The following KHDRBS2 variants were observed in gnomAD, a reference collection of about 807,000 sequenced individuals.
The protein encoded by KHDRBS2 is KH RNA binding domain containing, signal transduction associated 2, also known as KH domain-containing, RNA-binding, signal transduction-associated protein 2.
In KHDRBS2, 26 loss-of-function variants were observed where a neutral mutation model predicts 44.3. The observed-to-expected ratio is 0.59, with a 90% CI of 0.43 to 0.81. KHDRBS2 has a LOEUF of 0.81. Among genes scored for constraint, KHDRBS2 ranks in the 40% least tolerant of loss-of-function variants. The pLI, the probability that KHDRBS2 is intolerant of heterozygous loss-of-function variation, is 0.00. For synonymous variants in KHDRBS2, 194 were observed against 151.1 expected, an observed-to-expected ratio of 1.28 and a Z score of -2.08; for missense variants, 476 against 433.1, an observed-to-expected ratio of 1.10 and a Z score of -0.88.
At chr6:61,783,763 C>T (rs956419994) in intron 6 of KHDRBS2, among the ~76,000 whole-genome samples, 6 of 151,832 alleles carry the variant, frequency 4.0e-5, no homozygotes, top group Admixed American at 3.3e-4. Flanking sequence ...TATAAAATTA[C>T]AATATGTATA....
intron 6 of KHDRBS2, among the ~76,000 whole-genome samples, chr6:61,870,242 G>C (rs545620738): frequency 6.6e-6 from 1 of 152,236 alleles, no homozygotes; most frequent in East Asian, 1.9e-4. Context: ...GGCTTGAGTA[G>C]GTGGTTTTAC....
intron 2 of KHDRBS2, among the ~76,000 whole-genome samples, chr6:62,085,390 G>T (rs752935831): frequency 6.6e-6 from 1 of 151,904 alleles, no homozygotes; most frequent in Non-Finnish European, 1.5e-5. Flanking sequence ...TATGGAGGGT[G>T]GTGAAAGCAG....
chr6:61,989,830 CCTGAGGGCTTG>C (rs1289511425), intron 3 of KHDRBS2, among the ~76,000 whole-genome samples: 1 of 152,104 alleles, frequency 6.6e-6, no homozygotes, highest in Non-Finnish European at 1.5e-5. Context: ...TGTCTTTTTG[CCTGAGGGCTTG>C]CTCTGGCCTC....
chr6:62,215,886 AAT>A (rs1829896921), intron 1 of KHDRBS2, among the ~76,000 whole-genome samples: 1 of 151,804 alleles, frequency 6.6e-6, no homozygotes, highest in Non-Finnish European at 1.5e-5. Context: ...AATCAATGTA[AAT>A]ATTAATACAG....
chr6:62,253,262 TTTAA>T (rs1187065643), intron 1 of KHDRBS2, among the ~76,000 whole-genome samples: 2 of 152,058 alleles, frequency 1.3e-5, no homozygotes, highest in African/African-American at 4.8e-5. Context: ...TGTCTTACAT[TTTAA>T]TCAAGGGAGG....
intron 6 of KHDRBS2, among the ~76,000 whole-genome samples, chr6:61,848,083 C>A (rs1252447767): frequency 6.6e-6 from 1 of 151,896 alleles, no homozygotes; most frequent in East Asian, 1.9e-4. Flanking sequence ...ACCATACTAG[C>A]TCCTGCAGTT....
At chr6:61,834,821 T>C (rs1792395642) in intron 6 of KHDRBS2, among the ~76,000 whole-genome samples, 1 of 152,082 alleles carries the variant, frequency 6.6e-6, no homozygotes, top group Admixed American at 6.6e-5. Flanking sequence ...AGTCTATGTC[T>C]ACTTACAATT....
At chr6:62,173,242 A>G (rs1227100534) in intron 2 of KHDRBS2, among the ~76,000 whole-genome samples, 1 of 151,966 alleles carries the variant, frequency 6.6e-6, no homozygotes, top group African/African-American at 2.4e-5. Flanking sequence ...CAAATAACAA[A>G]GGGGACGTTA....
At chr6:61,643,503 G>A in the KHDRBS2 span, among the ~76,000 whole-genome samples, 4 of 152,080 alleles carry the variant, frequency 2.6e-5, no homozygotes, top group African/African-American at 7.2e-5. Context: ...ATCCAAATAG[G>A]AGAGGAAGTC....
the KHDRBS2 span, among the ~76,000 whole-genome samples, chr6:61,560,511 A>C: frequency 2.1e-5 from 3 of 142,964 alleles, no homozygotes; most frequent in African/African-American, 8.0e-5. Context: ...TTTAACTTTC[A>C]TTTCCTCTGA....
At chr6:62,258,527 C>T (rs980278861) in intron 1 of KHDRBS2, among the ~76,000 whole-genome samples, 1 of 152,014 alleles carries the variant, frequency 6.6e-6, no homozygotes, top group Non-Finnish European at 1.5e-5. Context: ...GACAATCATA[C>T]ATTGTCCACA....
the KHDRBS2 span, among the ~76,000 whole-genome samples, chr6:61,543,539 G>T: frequency 6.6e-6 from 1 of 151,706 alleles, no homozygotes; most frequent in Non-Finnish European, 1.5e-5. Context: ...CAGTTTGAAG[G>T]CTCCTTAAAA....
intron 7 of KHDRBS2, among the ~76,000 whole-genome samples, chr6:61,730,150 C>G (rs953527094): frequency 3.9e-5 from 6 of 152,048 alleles, no homozygotes; most frequent in African/African-American, 1.4e-4. Context: ...TTACTGAGAA[C>G]CTCTAGTGTT....
chr6:61,598,087 C>G, the KHDRBS2 span, among the ~76,000 whole-genome samples: 1 of 150,810 alleles, frequency 6.6e-6, no homozygotes, highest in African/African-American at 2.4e-5. Flanking sequence ...CCCACCTCCA[C>G]CCACCCCACT....
chr6:61,864,022 A>T (rs545535542), intron 6 of KHDRBS2, among the ~76,000 whole-genome samples: 1 of 150,568 alleles, frequency 6.6e-6, no homozygotes, highest in Non-Finnish European at 1.5e-5. Context: ...GTTGAATTGA[A>T]CTCCTTACTG....
At chr6:61,843,346 T>C (rs1363854487) in intron 6 of KHDRBS2, among the ~76,000 whole-genome samples, 1 of 122,016 alleles carries the variant, frequency 8.2e-6, no homozygotes, top group East Asian at 2.0e-4. Context: ...TCTATTTTAT[T>C]ATTATTATTA....
intron 2 of KHDRBS2, among the ~76,000 whole-genome samples, chr6:62,058,058 C>T (rs974699449): frequency 2.0e-5 from 3 of 151,878 alleles, no homozygotes; most frequent in Non-Finnish European, 4.4e-5. Flanking sequence ...TTCATTAATA[C>T]ATTAAAACAT....
chr6:62,281,710 TTTG>T (rs949125966), intron 1 of KHDRBS2, among the ~76,000 whole-genome samples: 1 of 152,216 alleles, frequency 6.6e-6, no homozygotes, highest in African/African-American at 2.4e-5. Context: ...TGTTTTTGTT[TTTG>T]TTTTTTCATC....
rs757009059 is a variant in KHDRBS2, at chr6:62,194,899, C to T, written c.92-17587G>A. The stretch of plus-strand genomic sequence containing the variant: ...AAAATATGTTCATCCTTTTCACAAT[C>T]GTTTTTGTGATTTTAGGTCCCTTGG... On this transcript the variant is annotated intron_variant, in intron 1 of 8. Coordinates refer to ENST00000281156, the MANE Select transcript of KHDRBS2 (RefSeq NM_152688.4). 1.3e-3 allele frequency among the ~76,000 whole-genome samples: 198 copies of T among 152,002 alleles called. 2 individuals carry two copies. The highest frequency in any genetic ancestry group is 2.6e-3 in the Non-Finnish European group (174 of 67,966).
Sources: gnomAD v4.1 joint callset for allele counts (sites outside exome capture counted in the v4.1 genomes callset) on GRCh38, gnomAD v4.1.1 for gene constraint, MANE v1.5 for transcripts, NCBI Gene and HGNC (gene_info 2026-07-23, HGNC 2026-07-21) for gene names.